Variants in NFIX observed in about 807,000 individuals in gnomAD.
NFIX encodes nuclear factor I X.
NFIX carries 2 observed loss-of-function variants against 53.3 expected under a neutral mutation model. That is an observed-to-expected ratio of 0.04 (90% CI 0.02 to 0.12). The LOEUF (loss-of-function observed/expected upper bound fraction) is 0.12, where lower values mean the gene tolerates loss of function less well. Among genes scored for constraint, NFIX ranks in the 10% least tolerant of loss-of-function variants. The pLI is 1.00. For missense variants in NFIX, 310 were observed against 674.5 expected (o/e 0.46, Z 5.99); for synonymous variants, 244 against 289.0 (o/e 0.84, Z 1.58).
At chr19:13,044,055 C>G (rs903671586) in intron 2 of NFIX, among the ~76,000 whole-genome samples, 1 of 152,224 alleles carries the variant, frequency 6.6e-6, no homozygotes, top group African/African-American at 2.4e-5. Context: ...TCTTCAGCCT[C>G]TGTTGACCCT....
chr19:13,032,104 C>T (rs932892778), intron 2 of NFIX, among the ~76,000 whole-genome samples: 1 of 152,176 alleles, frequency 6.6e-6, no homozygotes, highest in African/African-American at 2.4e-5. Context: ...TCTTTGATTT[C>T]TTGTTTGTTT....
chr19:13,084,470 C>A (rs1030898689), intron 8 of NFIX, among the ~76,000 whole-genome samples: 10 of 152,030 alleles, frequency 6.6e-5, no homozygotes, highest in Admixed American at 3.9e-4. Flanking sequence ...ACAAAAAAAA[C>A]CCAGAATTTT....
chr19:13,055,477 C>A (rs1052929410), intron 2 of NFIX, among the ~76,000 whole-genome samples: 3 of 152,298 alleles, frequency 2.0e-5, no homozygotes, highest in African/African-American at 7.2e-5. Flanking sequence ...GTGCGAGGGC[C>A]GGCCGCACTC....
rs1231375865 is a variant in NFIX at position 13,043,038 on chromosome 19, A to C, written c.559+17486A>C. Among the ~76,000 whole-genome samples, 1 of 152,200 alleles carries C rather than the reference A, an allele frequency of 6.6e-6. No homozygotes were observed. Among genetic ancestry groups the C allele is most frequent in the African/African-American group, 2.4e-5 (1 of 41,422 alleles). On this transcript the variant is annotated intron_variant, in intron 2 of 10. Coordinates refer to ENST00000592199, the MANE Select transcript of NFIX (RefSeq NM_001365902.3). This position sits in a 1 kb window ranked among gnomAD's most constrained non-coding sequence, Gnocchi z 4.0. ...TGCCATCATTGTACATATCGTGTAC[A>C]TTGCACATACATGTCATGTCAGGAT... is the stretch of plus-strand genomic sequence containing the variant.
rs71168649 is a variant in NFIX, at chr19:13,049,595, CTTTT to C, written c.560-23439_560-23436del. Among the ~76,000 whole-genome samples the C allele has an allele frequency of 5.7e-5, 7 of 122,782 alleles. No homozygotes were observed. Among genetic ancestry groups the C allele is most frequent in the African/African-American group, 9.1e-5 (3 of 32,920 alleles). The allele number at this position is 122,782 out of a possible 152,430, so 80.5% of individuals were successfully genotyped here. A position where few individuals can be genotyped will look rare whatever the true frequency, so the allele number is the denominator to read the frequency against. ...TTGTAGCAGCAAGTGTCAGTGGTTC[CTTTT>C]TTTTTTTTTTTTGAGACAGAGTCTT... is the stretch of plus-strand genomic sequence containing the variant. On this transcript the variant is annotated intron_variant, in intron 2 of 10. Coordinates refer to ENST00000592199, the MANE Select transcript of NFIX (RefSeq NM_001365902.3). The surrounding 1 kb of genome is among the most constrained non-coding windows in gnomAD (Gnocchi z 4.5).
chr19:13,072,977 G>A lies in NFIX; in HGVS notation c.560-70G>A. On this transcript the variant is annotated intron_variant, in intron 2 of 10. Coordinates refer to ENST00000592199, the MANE Select transcript of NFIX (RefSeq NM_001365902.3). The surrounding 1 kb of genome is among the most constrained non-coding windows in gnomAD (Gnocchi z 4.0). ...CCTGCTCTTGCACCAGGCTGGAGGG[G>A]CCAATGCTTGGCTGGTGCTTATGGG... 3 of 1,451,770 alleles carry A rather than the reference G, an allele frequency of 2.1e-6. No homozygotes were observed. The East Asian group carries it at 6.8e-5, about 33-fold the overall frequency. 89.9% of individuals were successfully genotyped at this position (1,451,770 alleles called of 1,614,324 possible).
At chr19:13,018,340 G>GTT (rs2012778604) in intron 1 of NFIX, among the ~76,000 whole-genome samples, 1 of 113,566 alleles carries the variant, frequency 8.8e-6, no homozygotes, top group Non-Finnish European at 2.0e-5. Flanking sequence ...AGGGGCGGGG[G>GTT]GGGGGGGGGG....
intron 1 of NFIX, 78 bp from the exon 2 acceptor site, chr19:13,024,940 CCTT>C (rs1330009306): frequency 2.0e-5 from 31 of 1,522,938 alleles, no homozygotes; most frequent in Admixed American, 1.2e-4. Context: ...CTGCTTTTCT[CCTT>C]CTCTCTTTCC....
In NFIX at chr19:13,067,865, G is replaced by A. The variant is rs536467491; in HGVS notation, c.560-5182G>A. Among the ~76,000 whole-genome samples the A allele has an allele frequency of 1.6e-3, 247 of 152,154 alleles. 1 individual carries two copies. Among genetic ancestry groups the A allele is most frequent in the African/African-American group, 5.8e-3 (240 of 41,494 alleles). The stretch of plus-strand genomic sequence containing the variant: ...TCACGCCTGTAATCCCAGCACTTTG[G>A]GAGGCTGAGACGGGCGGATCACCAG... On this transcript the variant is annotated intron_variant, in intron 2 of 10. Transcript: ENST00000592199. This position sits in a 1 kb window ranked among gnomAD's most constrained non-coding sequence, Gnocchi z 4.2.
intron 7 of NFIX, among the ~76,000 whole-genome samples, chr19:13,080,303 CA>C (rs1371779829): frequency 1.4e-4 from 22 of 152,160 alleles, no homozygotes; most frequent in Non-Finnish European, 7.3e-5. Context: ...CTCTATTACT[CA>C]GGCTGAATGC....
chr19:13,023,911 C>T (rs2013114250), intron 1 of NFIX: 2 of 798,172 alleles, frequency 2.5e-6, no homozygotes, highest in East Asian at 2.7e-5. Context: ...CCCTTTAAAA[C>T]ATTTACCTTC....
Position 13,052,189 on chromosome 19 carries a change from G to T in NFIX, c.560-20858G>T, listed in dbSNP as rs1447707146. Among the ~76,000 whole-genome samples the T allele has an allele frequency of 6.6e-6, 1 of 152,160 alleles. No homozygotes were observed. The highest frequency in any genetic ancestry group is 1.5e-5 in the Non-Finnish European group (1 of 68,018). ...GGCTTGTCCAAGTGGGTAGGTCTGG[G>T]CAGGGCTCGTGAATCTGCATTTCCA... On this transcript the variant is annotated intron_variant, in intron 2 of 10. Coordinates refer to ENST00000592199, the MANE Select transcript of NFIX (RefSeq NM_001365902.3). The surrounding 1 kb of genome is among the most constrained non-coding windows in gnomAD (Gnocchi z 5.2).
In NFIX at chr19:13,079,626, G is replaced by T. The variant is rs561971603; in HGVS notation, c.1078+891G>T. On this transcript the variant is annotated intron_variant, in intron 7 of 10. Transcript: ENST00000592199. ...CCTCCTTGGGGCCTCCTGGCTGGGAGCCCAGAGGCAGCCGGTGCTGGGGCA... is the reference window on the plus strand; with the variant it reads ...CCTCCTTGGGGCCTCCTGGCTGGGATCCCAGAGGCAGCCGGTGCTGGGGCA... Among the ~76,000 whole-genome samples, 13 of 152,242 alleles carry T rather than the reference G, an allele frequency of 8.5e-5. No homozygotes were observed. In the East Asian group the frequency reaches 2.5e-3, roughly 30 times the overall value.
In NFIX at chr19:13,052,893, C is replaced by T. The variant is rs2015415050; in HGVS notation, c.560-20154C>T. ...CAAGTCCCCAGGAGTCTGTGTCTTC[C>T]CATGTTCCCTTCGTCCTGTTCACAG... On this transcript the variant is annotated intron_variant, in intron 2 of 10. Coordinates refer to ENST00000592199, the MANE Select transcript of NFIX (RefSeq NM_001365902.3). The surrounding 1 kb of genome is among the most constrained non-coding windows in gnomAD (Gnocchi z 5.2). Among the ~76,000 whole-genome samples the T allele has an allele frequency of 6.6e-6, 1 of 152,196 alleles. No individual in the cohort carries two copies. The highest frequency in any genetic ancestry group is 1.5e-5 in the Non-Finnish European group (1 of 68,044).
chr19:13,084,841 G>A (rs1173660170), intron 8 of NFIX, among the ~76,000 whole-genome samples: 2 of 152,030 alleles, frequency 1.3e-5, no homozygotes, highest in African/African-American at 4.8e-5. Flanking sequence ...AGGCTGAGGT[G>A]GGCGGATCAT....
At position 13,012,543 on chromosome 19, in the gene NFIX, G is replaced by T. The variant is rs1269426556; in HGVS notation, c.28-12478G>T. On this transcript the variant is annotated intron_variant, in intron 1 of 10. Transcript: ENST00000592199. The surrounding 1 kb of genome is among the most constrained non-coding windows in gnomAD (Gnocchi z 5.0). ...GCGTCAAAGGCCGCCGCCAAAAGGG[G>T]CTCCGATGTCGGCATTTTTGCCTTA... Among the ~76,000 whole-genome samples, 1 of 152,170 alleles carries T rather than the reference G, an allele frequency of 6.6e-6. No individual in the cohort carries two copies. The highest frequency in any genetic ancestry group is 1.5e-5 in the Non-Finnish European group (1 of 68,022).
intron 1 of NFIX, 71 bp from the exon 2 acceptor site, chr19:13,024,950 T>C (rs1300670997): frequency 1.2e-5 from 19 of 1,541,228 alleles, no homozygotes; most frequent in Non-Finnish European, 1.5e-5. Flanking sequence ...CCTTCTCTCT[T>C]TCCCCCTCAT....
Position 13,078,847 on chromosome 19 carries a change from T to C in NFIX, c.1078+112T>C. 1 of 1,275,162 alleles carries C rather than the reference T, an allele frequency of 7.8e-7. No individual in the cohort carries two copies. The highest frequency in any genetic ancestry group is 1.5e-5 in the African/African-American group (1 of 65,658). 79.0% of individuals were successfully genotyped at this position (1,275,162 alleles called of 1,614,324 possible). On this transcript the variant is annotated intron_variant, in intron 7 of 10. Coordinates refer to ENST00000592199, the MANE Select transcript of NFIX (RefSeq NM_001365902.3). The surrounding 1 kb of genome is among the most constrained non-coding windows in gnomAD (Gnocchi z 4.7). ...GACCCCGAGTGACAGCCCCACGCTC[T>C]CCAAGTGGGCCAAGGTGCAGCAGCG...
In NFIX at chr19:13,097,975, C is replaced by G. The variant is rs1395435278; in HGVS notation, c.*3326C>G. 6.5e-6 allele frequency: 1 copy of G among 154,748 alleles called. No individual in the cohort carries two copies. Among genetic ancestry groups the G allele is most frequent in the Non-Finnish European group, 1.4e-5 (1 of 70,110 alleles). 9.6% of individuals were successfully genotyped at this position (154,748 alleles called of 1,614,324 possible). Reference sequence around the variant, plus strand: ...CCCGCACGCACGCACGCACACGGCCCCGCACACAGCCCCGCCCCACCCCGC... The same window carrying G: ...CCCGCACGCACGCACGCACACGGCCGCGCACACAGCCCCGCCCCACCCCGC... On this transcript the variant is annotated 3_prime_UTR_variant, in exon 11 of 11. Transcript: ENST00000592199.
Sources: allele counts gnomAD v4.1 joint callset (sites outside exome capture counted in the v4.1 genomes callset), GRCh38; gene constraint gnomAD v4.1.1; non-coding constraint Gnocchi (gnomAD v3.1); transcripts MANE v1.5; gene names NCBI Gene and HGNC (gene_info 2026-07-23, HGNC 2026-07-21).